DOCK8: variants seen among roughly 807,000 people sequenced by gnomAD.
The protein encoded by DOCK8 is dedicator of cytokinesis protein 8.
A neutral mutation model predicts 245.6 loss-of-function variants in DOCK8; 141 were observed. The ratio of observed to expected loss-of-function variants is 0.57; its 90% CI spans 0.50 to 0.66. The LOEUF (loss-of-function observed/expected upper bound fraction) is 0.66. Among genes scored for constraint, DOCK8 ranks in the 30% least tolerant of loss-of-function variants. The probability of loss-of-function intolerance (pLI) is 0.00; values close to 1 mark genes in which losing one functional copy is unlikely to be tolerated. For missense variants in DOCK8, 2,965 were observed against 2,603.4 expected (o/e 1.14, Z -3.02); for synonymous variants, 1,168 against 970.2 (o/e 1.20, Z -3.79).
At position 238,600 on chromosome 9, in the gene DOCK8, C is replaced by T. The variant is rs1401828909; in HGVS notation, c.53+23571C>T. Among the ~76,000 whole-genome samples the T allele has an allele frequency of 3.9e-5, 6 of 152,090 alleles. No individual in the cohort carries two copies. The East Asian group carries it at 1.2e-3, about 29-fold the overall frequency. ...CCTCACTTAATGTTGTCAGTAAGTT[C>T]TTGGAAACAGTGTCTTTATGTAAAA... On this transcript the variant is annotated intron_variant, in intron 1 of 47. Transcript: ENST00000432829.
intron 5 of DOCK8, among the ~76,000 whole-genome samples, chr9:306,095 T>A (rs1189921758): frequency 1.3e-5 from 2 of 152,174 alleles, no homozygotes; most frequent in Non-Finnish European, 1.5e-5. Context: ...AAAATAAAAT[T>A]GAGAAGAAAA....
chr9:268,406 C>T (rs2048083079), intron 1 of DOCK8: 1 of 152,190 alleles, frequency 6.6e-6, no homozygotes, highest in Non-Finnish European at 1.5e-5. Context: ...CCAGTTGACC[C>T]TGTTTAAGAA....
rs375203804 is a variant in DOCK8, at chr9:307,413, C to T, written c.528+2709C>T. On this transcript the variant is annotated intron_variant, in intron 5 of 47. Transcript: ENST00000432829. ...TTGCTCTTATTGCCAGGCTGGAGTG[C>T]AATGGCATGATCTCGGCTCACTACA... 4.6e-5 allele frequency among the ~76,000 whole-genome samples: 6 copies of T among 130,620 alleles called. No individual in the cohort carries two copies. The East Asian group carries it at 1.4e-3, about 32-fold the overall frequency. 85.7% of individuals were successfully genotyped at this position (130,620 alleles called of 152,430 possible).
intron 14 of DOCK8, among the ~76,000 whole-genome samples, chr9:342,890 A>T (rs191533090): frequency 7.2e-5 from 11 of 152,330 alleles, no homozygotes; most frequent in Admixed American, 7.2e-4. Context: ...CTATGAAGTA[A>T]GATTTTTTGT....
At chr9:248,531 CTCTT>C (rs140406776) in intron 1 of DOCK8, among the ~76,000 whole-genome samples, 116 of 87,624 alleles carry the variant, frequency 1.3e-3, no homozygotes, top group African/African-American at 3.0e-3. Flanking sequence ...CTCCCTCTCT[CTCTT>C]TCTTTCTTTC....
At chr9:365,772 A>C (rs1306136176) in intron 14 of DOCK8, 2 of 406,952 alleles carry the variant, frequency 4.9e-6, no homozygotes, top group African/African-American at 4.2e-5. Flanking sequence ...CCCGCTTAAC[A>C]GACATTAGCT....
intron 4 of DOCK8, among the ~76,000 whole-genome samples, chr9:290,497 A>C (rs529076343): frequency 9.2e-5 from 14 of 152,302 alleles, no homozygotes; most frequent in South Asian, 2.1e-4. Flanking sequence ...CGAGTTTATG[A>C]CCAAGAAATA....
Position 407,125 on chromosome 9 carries a change from A to T in DOCK8, c.3530+56A>T, listed in dbSNP as rs1028865188. On this transcript the variant is annotated intron_variant, in intron 28 of 47. Coordinates refer to ENST00000432829, the MANE Select transcript of DOCK8 (RefSeq NM_203447.4). Reference sequence around the variant, plus strand: ...AAGCCAAAAAAACAGATGTTCTTTAATAAAATTTGCAGTCTAGCTTCTCAC... The same window carrying T: ...AAGCCAAAAAAACAGATGTTCTTTATTAAAATTTGCAGTCTAGCTTCTCAC... 4.3e-6 allele frequency: 7 copies of T among 1,611,492 alleles called. No individual in the cohort carries two copies. In the African/African-American group the frequency reaches 9.4e-5, roughly 22 times the overall value.
chr9:391,203 T>G (rs1287994483), intron 24 of DOCK8, among the ~76,000 whole-genome samples: 1 of 152,240 alleles, frequency 6.6e-6, no homozygotes, highest in Non-Finnish European at 1.5e-5. Flanking sequence ...TCTGTAGATT[T>G]CAGCTTCAGT....
At chr9:451,398 G>C (rs2057432061) in intron 45 of DOCK8, among the ~76,000 whole-genome samples, 1 of 152,094 alleles carries the variant, frequency 6.6e-6, no homozygotes, top group African/African-American at 2.4e-5. Context: ...TGAGGTGGGT[G>C]GATCCCTTGA....
intron 7 of DOCK8, among the ~76,000 whole-genome samples, chr9:324,375 A>G (rs971208111): frequency 6.6e-6 from 1 of 152,156 alleles, no homozygotes; most frequent in African/African-American, 2.4e-5. Context: ...GTAATGGTGG[A>G]CTGGGGCCCT....
intron 1 of DOCK8, among the ~76,000 whole-genome samples, chr9:236,744 T>G (rs1468921811): frequency 6.6e-6 from 1 of 152,236 alleles, no homozygotes; most frequent in African/African-American, 2.4e-5. Context: ...CACAGTCTGA[T>G]GCAGATCGAG....
chr9:290,106 T>C (rs952999220), intron 4 of DOCK8, among the ~76,000 whole-genome samples: 1 of 152,222 alleles, frequency 6.6e-6, no homozygotes, highest in African/African-American at 2.4e-5. Flanking sequence ...GGCTGTACCA[T>C]TGTTTATTTA....
chr9:254,867 G>GT (rs1245074988), intron 1 of DOCK8, among the ~76,000 whole-genome samples: 1 of 152,180 alleles, frequency 6.6e-6, no homozygotes, highest in Non-Finnish European at 1.5e-5. Flanking sequence ...AACCCTTGGC[G>GT]TTATTATAAT....
chr9:370,391 T>G (rs2053232854), intron 16 of DOCK8, 91 bp downstream of exon 16: 2 of 1,138,916 alleles, frequency 1.8e-6, no homozygotes, highest in Non-Finnish European at 2.6e-6. Flanking sequence ...CTCCTAACTA[T>G]TTTTATAATT....
chr9:435,092 A>G, intron 39 of DOCK8, 117 bp downstream of exon 39: 1 of 1,215,822 alleles, frequency 8.2e-7, no homozygotes, highest in South Asian at 1.3e-5. Context: ...CACAACTGGG[A>G]TGGGTGAGTA....
chr9:277,953 C>G (rs1029603767), intron 2 of DOCK8, among the ~76,000 whole-genome samples: 1 of 152,156 alleles, frequency 6.6e-6, no homozygotes, highest in African/African-American at 2.4e-5. Flanking sequence ...GGTTAATTGC[C>G]TGATAAATAT....
At chr9:453,216 T>A (rs1190811597) in intron 46 of DOCK8, among the ~76,000 whole-genome samples, 2 of 152,206 alleles carry the variant, frequency 1.3e-5, no homozygotes, top group Non-Finnish European at 2.9e-5. Context: ...TCACAGCCGC[T>A]TGGTAATAGG....
chr9:400,809 TCACCACCACCTC>T (rs2054950632), intron 26 of DOCK8, among the ~76,000 whole-genome samples: 2 of 3,996 alleles, frequency 5.0e-4, no homozygotes, highest in Non-Finnish European at 4.9e-4. Context: ...ACCTCCACCA[TCACCACCACCTC>T]CACCATCACC....
Sources: gnomAD v4.1 joint callset for allele counts (sites outside exome capture counted in the v4.1 genomes callset) on GRCh38, gnomAD v4.1.1 for gene constraint, MANE v1.5 for transcripts, NCBI Gene and HGNC (gene_info 2026-07-23, HGNC 2026-07-21) for gene names.